Variants in IL4I1 observed in about 807,000 individuals in gnomAD.
The protein encoded by IL4I1 is interleukin 4 induced 1, also known as L-amino-acid oxidase.
In IL4I1, 24 loss-of-function variants were observed where a neutral mutation model predicts 29.7. The observed-to-expected ratio is 0.81, with a 90% CI of 0.59 to 1.14. IL4I1 has a LOEUF of 1.14. Among genes scored for constraint, IL4I1 ranks in the 50% most tolerant of loss-of-function variants. The pLI is 0.00. For synonymous variants in IL4I1, 371 were observed against 352.5 expected (o/e 1.05, Z -0.59); for missense variants, 686 against 785.6 (o/e 0.87, Z 1.52).
chr19:49,892,078 T>C (rs1310232948), intron 5 of IL4I1, among the ~76,000 whole-genome samples: 2 of 111,006 alleles, frequency 1.8e-5, no homozygotes, highest in Non-Finnish European at 3.5e-5. Flanking sequence ...CCTCAATGTC[T>C]TTTTTTTTTT....
rs146209956 is a variant in IL4I1, at chr19:49,891,095, C to G, written c.649G>C (p.Gly217Arg). The G allele has an allele frequency of 3.0e-4, 479 of 1,612,724 alleles. 1 individual carries two copies. Among genetic ancestry groups the G allele is most frequent in the Non-Finnish European group, 3.8e-4 (449 of 1,179,638 alleles). Reference sequence around the variant, plus strand: ...GCCGGCCGGCTCAGGTTCCCCTCCCCGAGAAGATATTCCTGCAGGTTGGGC... The same window carrying G: ...GCCGGCCGGCTCAGGTTCCCCTCCCGGAGAAGATATTCCTGCAGGTTGGGC... ...ERHTLLEYLL[G>R]EGNLSRPAVQ... Residue 217 changes from glycine (G) to arginine (R), a missense_variant, in exon 7 of 8, where the codon GGG (glycine) becomes CGG (arginine). By Grantham distance (125) the Gly-to-Arg change is moderately radical. Transcript: ENST00000391826.
intron 2 of IL4I1, among the ~76,000 whole-genome samples, chr19:49,925,118 A>C (rs2075855177): frequency 6.6e-6 from 1 of 151,922 alleles, no homozygotes; most frequent in South Asian, 2.1e-4. Flanking sequence ...AAAATTAGCC[A>C]TGTGTGGTGA....
intron 2 of IL4I1, among the ~76,000 whole-genome samples, chr19:49,910,566 C>T (rs1411765128): frequency 2.6e-5 from 4 of 152,152 alleles, no homozygotes; most frequent in Non-Finnish European, 4.4e-5. Context: ...GGAGCCTCCC[C>T]TGGGGTTTTC....
At chr19:49,923,363 T>C (rs1255015609) in intron 2 of IL4I1, among the ~76,000 whole-genome samples, 2 of 152,110 alleles carry the variant, frequency 1.3e-5, no homozygotes, top group Non-Finnish European at 2.9e-5. Flanking sequence ...AGCAACTCAT[T>C]AGAAAATGTA....
Position 49,890,128 on chromosome 19 carries a change from A to C in IL4I1, c.1246T>G (p.Leu416Val), listed in dbSNP as rs528564762. 1,615 of 1,543,182 alleles carry C rather than the reference A, an allele frequency of 1.0e-3. No individual in the cohort carries two copies. The highest frequency in any genetic ancestry group is 1.3e-3 in the Non-Finnish European group (1,477 of 1,145,102). Reference sequence around the variant, plus strand: ...GCCACGTCGTCGAGCGCCAAGCGCAACGCCTCTTCCCGGCTCAAGCCGGCG... The same window carrying C: ...GCCACGTCGTCGAGCGCCAAGCGCACCGCCTCTTCCCGGCTCAAGCCGGCG... ...AFAGLSREEALRLALDDVAAL... is the reference protein window; with the variant it reads ...AFAGLSREEAVRLALDDVAAL... The change falls in exon 8 of 8, where the codon TTG becomes GTG. Residue 416 changes from leucine (L) to valine (V), a missense_variant. Coordinates refer to ENST00000391826, the MANE Select transcript of IL4I1 (RefSeq NM_152899.2).
chr19:49,904,249 A>G (rs950951002), exon 3 of IL4I1: 2 of 152,230 alleles, frequency 1.3e-5, no homozygotes, highest in African/African-American at 4.8e-5. Context: ...TTGTCTTCAT[A>G]TGAATTAATG....
intron 5 of IL4I1, 49 bp downstream of exon 5, chr19:49,894,219 G>T: frequency 6.4e-7 from 1 of 1,565,078 alleles, no homozygotes; most frequent in Non-Finnish European, 8.7e-7. Flanking sequence ...GCGAGCTTAG[G>T]AGGAGGACAG....
chr19:49,900,460 A>G (rs977798283), upstream of IL4I1, among the ~76,000 whole-genome samples: 5 of 151,876 alleles, frequency 3.3e-5, no homozygotes, highest in Non-Finnish European at 7.4e-5. Flanking sequence ...GCTAATTTTT[A>G]TATTTTTAGT....
chr19:49,890,711 C>T (rs1045073488), intron 7 of IL4I1, 111 bp from the exon 8 acceptor site: 2 of 1,017,162 alleles, frequency 2.0e-6, no homozygotes, highest in African/African-American at 3.3e-5. Context: ...CGGCCCGCTC[C>T]CCCGTCATCC....
chr19:49,908,673 C>T (rs952148206), intron 2 of IL4I1: 1 of 1,612,318 alleles, frequency 6.2e-7, no homozygotes, highest in Non-Finnish European at 8.5e-7. Context: ...ACCTTCTCCA[C>T]CTCGCGGTGC....
rs367741103 is a variant in IL4I1, at chr19:49,891,144, C to T, written c.637-37G>A. 43 of 1,600,888 alleles carry T rather than the reference C, an allele frequency of 2.7e-5. 1 individual carries two copies. Among genetic ancestry groups the T allele is most frequent in the Middle Eastern group, 1.7e-4 (1 of 5,960 alleles). On this transcript the variant is annotated intron_variant, in intron 6 of 7. Transcript: ENST00000391826. ...GCACAGGCCGAGGTTAGGGCCCAGGCAGGCTGCACCCCTGAGAGAGCCCCT... is the reference window on the plus strand; with the variant it reads ...GCACAGGCCGAGGTTAGGGCCCAGGTAGGCTGCACCCCTGAGAGAGCCCCT...
intron 2 of IL4I1, among the ~76,000 whole-genome samples, chr19:49,916,237 G>A (rs1209045989): frequency 6.6e-6 from 1 of 152,148 alleles, no homozygotes; most frequent in Non-Finnish European, 1.5e-5. Context: ...AGAATTAAGT[G>A]TTGGCCAAGT....
At chr19:49,899,959 C>A (rs1015803275), upstream of IL4I1, among the ~76,000 whole-genome samples, 1 of 151,942 alleles carries the variant, frequency 6.6e-6, no homozygotes, top group Non-Finnish European at 1.5e-5. Flanking sequence ...CTCAGTCTCT[C>A]GAGTAGCTGG....
intron 7 of IL4I1, 43 bp downstream of exon 7, chr19:49,890,928 T>TGGGGGGGGGGGGGGGG: frequency 7.9e-6 from 5 of 633,174 alleles, no homozygotes; most frequent in Admixed American, 3.6e-5. Flanking sequence ...TTTCCCTGAT[T>TGGGGGGGGGGGGGGGG]GCCCCCCGCC....
chr19:49,891,348 G>A lies in IL4I1; in HGVS notation c.636+57C>T, dbSNP rs373839883. On this transcript the variant is annotated intron_variant, in intron 6 of 7. Transcript: ENST00000391826. ...ACCCGCCTTCTGACTCTCTGGGGAA[G>A]GCCTCATGGTCACTCTCTTTGCCCT... The A allele has an allele frequency of 2.4e-5, 38 of 1,568,360 alleles. No homozygotes were observed. The African/African-American group carries it at 5.1e-4, about 21-fold the overall frequency.
At chr19:49,914,972 T>A (rs1327758522) in intron 2 of IL4I1, among the ~76,000 whole-genome samples, 4 of 151,874 alleles carry the variant, frequency 2.6e-5, no homozygotes, top group Non-Finnish European at 2.9e-5. Context: ...ACTCCTGACC[T>A]CAGGTGATCT....
chr19:49,890,709 T>TC, intron 7 of IL4I1, 109 bp from the exon 8 acceptor site: 2 of 911,966 alleles, frequency 2.2e-6, no homozygotes, highest in Non-Finnish European at 1.5e-6. Context: ...ACCGGCCCGC[T>TC]CCCCCGTCAT....
intron 2 of IL4I1, among the ~76,000 whole-genome samples, chr19:49,913,559 C>T (rs1167489043): frequency 6.6e-6 from 1 of 152,252 alleles, no homozygotes; most frequent in Non-Finnish European, 1.5e-5. Flanking sequence ...AGCGTTACCA[C>T]ACGCTGTTGC....
At chr19:49,915,359 T>G (rs1305817264) in intron 2 of IL4I1, among the ~76,000 whole-genome samples, 3 of 152,092 alleles carry the variant, frequency 2.0e-5, no homozygotes, top group Admixed American at 1.3e-4. Context: ...TATGGAAGAA[T>G]GGACTGAGAG....
Sources: gnomAD v4.1 joint callset for allele counts (sites outside exome capture counted in the v4.1 genomes callset) on GRCh38, gnomAD v4.1.1 for gene constraint, MANE v1.5 for transcripts, NCBI Gene and HGNC (gene_info 2026-07-23, HGNC 2026-07-21) for gene names.